The following MFSD2A variants were observed in gnomAD, a reference collection of about 807,000 sequenced individuals.
MFSD2A encodes the protein sodium-dependent lysophosphatidylcholine symporter 1.
A neutral mutation model predicts 64.7 loss-of-function variants in MFSD2A; 27 were observed. The observed-to-expected ratio is 0.42, with a 90% CI of 0.31 to 0.58. The LOEUF is 0.58. Ranked by LOEUF, MFSD2A falls within the 20% of genes least tolerant of loss-of-function variation. MFSD2A has a pLI of 0.18. For synonymous variants in MFSD2A, 258 were observed against 273.4 expected, an observed-to-expected ratio of 0.94 and a Z score of 0.55; for missense variants, 474 against 679.5, an observed-to-expected ratio of 0.70 and a Z score of 3.36.
rs145187460 is a variant in MFSD2A at position 39,955,152 on chromosome 1, G to A, written c.-141G>A. On this transcript the variant is annotated 5_prime_UTR_variant, in exon 1 of 14. Coordinates refer to ENST00000372811, the MANE Select transcript of MFSD2A (RefSeq NM_032793.5). This position sits in a 1 kb window ranked among gnomAD's most constrained non-coding sequence, Gnocchi z 5.9. ...GCGGAGGGGGCGTGCAGCAGAGTGC[G>A]TTCCTCGTCTGCCAGCCGGCTTGGC... 3.3e-3 allele frequency: 1,890 copies of A among 567,508 alleles called. 9 individuals carry two copies. Among genetic ancestry groups the A allele is most frequent in the Admixed American group, 5.1e-3 (120 of 23,536 alleles). The allele number at this position is 567,508 out of a possible 1,614,324, so 35.2% of individuals were successfully genotyped here.
At position 39,968,488 on chromosome 1, in the gene MFSD2A, T is replaced by C; in HGVS notation, c.1352+11T>C. 6.2e-7 allele frequency: 1 copy of C among 1,613,814 alleles called. No homozygotes were observed. The highest frequency in any genetic ancestry group is 8.5e-7 in the Non-Finnish European group (1 of 1,179,912). On this transcript the variant is annotated intron_variant, in intron 12 of 13. Coordinates refer to ENST00000372811, the MANE Select transcript of MFSD2A (RefSeq NM_032793.5). The surrounding 1 kb of genome is among the most constrained non-coding windows in gnomAD (Gnocchi z 4.4). ...TACCCTCAGTCTGGAGTGAGTGGGG[T>C]GGGGACCTGGGGCAGGACTGGGCAG...
chr1:39,965,740 C>A lies in MFSD2A; in HGVS notation c.557-117C>A. ...GCGTTCAAACCAAGGTGTCACCTAC[C>A]CCACTACCTCTACCCACCCTGCCTG... On this transcript the variant is annotated intron_variant, in intron 5 of 13. Coordinates refer to ENST00000372811, the MANE Select transcript of MFSD2A (RefSeq NM_032793.5). This position sits in a 1 kb window ranked among gnomAD's most constrained non-coding sequence, Gnocchi z 5.5. The A allele has an allele frequency of 7.3e-7, 1 of 1,371,078 alleles. No individual in the cohort carries two copies. The highest frequency in any genetic ancestry group is 1.0e-6 in the Non-Finnish European group (1 of 986,692). 84.9% of individuals were successfully genotyped at this position (1,371,078 alleles called of 1,614,324 possible).
rs556323307 is a variant in MFSD2A, at chr1:39,969,573, C to T, written c.*5C>T. ...GAGCTGGCTAGCATCCTCTAGGGCCCGCCACGTTGCCCGAAGCCACCATGC... is the reference window on the plus strand; with the variant it reads ...GAGCTGGCTAGCATCCTCTAGGGCCTGCCACGTTGCCCGAAGCCACCATGC... On this transcript the variant is annotated 3_prime_UTR_variant, in exon 14 of 14. Coordinates refer to ENST00000372811, the MANE Select transcript of MFSD2A (RefSeq NM_032793.5). 50 of 1,608,742 alleles carry T rather than the reference C, an allele frequency of 3.1e-5. No homozygotes were observed. The East Asian group carries it at 3.6e-4, about 12-fold the overall frequency.
chr1:39,965,201 T>C lies in MFSD2A; in HGVS notation c.354-10T>C, dbSNP rs200618277. On this transcript the variant is annotated splice_polypyrimidine_tract_variant and intron_variant, in intron 3 of 13. Transcript: ENST00000372811. The surrounding 1 kb of genome is among the most constrained non-coding windows in gnomAD (Gnocchi z 5.5). The stretch of plus-strand genomic sequence containing the variant: ...CCTCCAGCCTCCACTCACACCCTCC[T>C]CTTCCTCAGGATCATCTTCTCCACG... 31 of 1,613,974 alleles carry C rather than the reference T, an allele frequency of 1.9e-5. No individual in the cohort carries two copies. In the African/African-American group the frequency reaches 3.1e-4, roughly 16 times the overall value.
chr1:39,967,167 A>T lies in MFSD2A; in HGVS notation c.1009A>T (p.Met337Leu). ...NEFQNLLLAIMLSATLTIPIW... is the reference protein window; with the variant it reads ...NEFQNLLLAILLSATLTIPIW... ...ATTCCAGAATCTACTCCTGGCCATCATGGTGAGTGGGACCTGAGCAGGGGC... is the reference window on the plus strand; with the variant it reads ...ATTCCAGAATCTACTCCTGGCCATCTTGGTGAGTGGGACCTGAGCAGGGGC... Residue 337 changes from methionine (M) to leucine (L), a missense_variant and splice_region_variant, in exon 9 of 14, where the codon ATG (methionine) becomes TTG (leucine). By Grantham distance (15) the Met-to-Leu change is conservative. Coordinates refer to ENST00000372811, the MANE Select transcript of MFSD2A (RefSeq NM_032793.5). The T allele has an allele frequency of 6.2e-7, 1 of 1,614,004 alleles. No homozygotes were observed. The highest frequency in any genetic ancestry group is 8.5e-7 in the Non-Finnish European group (1 of 1,179,924).
chr1:39,962,223 G>A (rs1477921279), intron 3 of MFSD2A, among the ~76,000 whole-genome samples: 2 of 151,998 alleles, frequency 1.3e-5, no homozygotes, highest in Non-Finnish European at 2.9e-5. Context: ...GGCCTGATAC[G>A]CACCTATCTG....
At chr1:39,966,771 G>A (rs1645170677) in intron 7 of MFSD2A, 40 bp from the exon 8 acceptor site, 3 of 1,613,702 alleles carry the variant, frequency 1.9e-6, no homozygotes, top group African/African-American at 2.7e-5. Flanking sequence ...GCTTTGGGAG[G>A]GGTCTCTGCT....
In MFSD2A at chr1:39,965,196, C is replaced by T. The variant is rs762960180; in HGVS notation, c.354-15C>T. On this transcript the variant is annotated splice_polypyrimidine_tract_variant and intron_variant, in intron 3 of 13. Transcript: ENST00000372811. This position sits in a 1 kb window ranked among gnomAD's most constrained non-coding sequence, Gnocchi z 5.5. ...TCCAGCCTCCAGCCTCCACTCACAC[C>T]CTCCTCTTCCTCAGGATCATCTTCT... is the stretch of plus-strand genomic sequence containing the variant. 3 of 1,613,906 alleles carry T rather than the reference C, an allele frequency of 1.9e-6. No homozygotes were observed. The highest frequency in any genetic ancestry group is 1.1e-5 in the South Asian group (1 of 91,064).
At position 39,960,574 on chromosome 1, in the gene MFSD2A, G is replaced by A. The variant is rs569331105; in HGVS notation, c.353+1749G>A. On this transcript the variant is annotated intron_variant, in intron 3 of 13. Transcript: ENST00000372811. The surrounding 1 kb of genome is among the most constrained non-coding windows in gnomAD (Gnocchi z 4.8). ...GAAGGGGAGGCTCTGCTGCCACGTC[G>A]CCTCATGAGGCCCAGCCAATGGGAG... Among the ~76,000 whole-genome samples the A allele has an allele frequency of 1.8e-3, 270 of 152,352 alleles. No individual in the cohort carries two copies. Among genetic ancestry groups the A allele is most frequent in the African/African-American group, 6.1e-3 (252 of 41,590 alleles).
chr1:39,962,777 C>A, intron 3 of MFSD2A: 1 of 1,022,392 alleles, frequency 9.8e-7, no homozygotes, highest in Non-Finnish European at 1.5e-6. Flanking sequence ...AGATCAAGTC[C>A]CTGCAGGAGA....
rs1366731916 is a variant in MFSD2A at position 39,957,116 on chromosome 1, G to A, written c.123G>A (p.Leu41=). Residue 41 remains leucine (L), a synonymous_variant, in exon 2 of 14, where the codon TTG becomes TTA. Coordinates refer to ENST00000372811, the MANE Select transcript of MFSD2A (RefSeq NM_032793.5). ...AACCGAAAAAGAAGAAACAACAGTT[G>A]TCTGTTTGCAACAAGCTTTGCTATG... The part of the protein sequence containing the change: ...KKEPKKKKQQ[L]SVCNKLCYAL... 1 of 1,613,972 alleles carries A rather than the reference G, an allele frequency of 6.2e-7. No homozygotes were observed. Among genetic ancestry groups the A allele is most frequent in the African/African-American group, 1.3e-5 (1 of 74,902 alleles).
rs953553802 is a variant in MFSD2A at position 39,964,753 on chromosome 1, GT to G, written c.354-457del. ...TGATGTGTGTGTGAATGAGGTGTGT[GT>G]GAATGGGGTGTGTGTGTGTGTGAAT... On this transcript the variant is annotated intron_variant, in intron 3 of 13. Transcript: ENST00000372811. The surrounding 1 kb of genome is among the most constrained non-coding windows in gnomAD (Gnocchi z 4.1). 5.7e-6 allele frequency: 1 copy of G among 174,950 alleles called. No homozygotes were observed. Among genetic ancestry groups the G allele is most frequent in the African/African-American group, 2.4e-5 (1 of 41,476 alleles). The allele number at this position is 174,950 out of a possible 1,614,324, so 10.8% of individuals were successfully genotyped here. A position where few individuals can be genotyped will look rare whatever the true frequency, so the allele number is the denominator to read the frequency against.
In MFSD2A at chr1:39,964,812, A is replaced by G; in HGVS notation, c.354-399A>G. On this transcript the variant is annotated intron_variant, in intron 3 of 13. Coordinates refer to ENST00000372811, the MANE Select transcript of MFSD2A (RefSeq NM_032793.5). The surrounding 1 kb of genome is among the most constrained non-coding windows in gnomAD (Gnocchi z 4.1). ...GTGTGTGAATGGGGTGTGTGTGTGAATGGGGTGTGTGTGTGCGGTTGATGA... is the reference window on the plus strand; with the variant it reads ...GTGTGTGAATGGGGTGTGTGTGTGAGTGGGGTGTGTGTGTGCGGTTGATGA... 3 of 217,234 alleles carry G rather than the reference A, an allele frequency of 1.4e-5. No individual in the cohort carries two copies. The highest frequency in any genetic ancestry group is 1.2e-4 in the East Asian group (1 of 8,498). 13.5% of individuals were successfully genotyped at this position (217,234 alleles called of 1,614,324 possible).
At chr1:39,962,692 G>T in intron 3 of MFSD2A, 1 of 777,120 alleles carries the variant, frequency 1.3e-6, no homozygotes. Flanking sequence ...CGAAGCTGCG[G>T]AGCTTGCTGA....
Position 39,958,222 on chromosome 1 carries a change from C to T in MFSD2A, c.229-479C>T, listed in dbSNP as rs1333467516. Among the ~76,000 whole-genome samples the T allele has an allele frequency of 1.3e-5, 2 of 151,946 alleles. No individual in the cohort carries two copies. Among genetic ancestry groups the T allele is most frequent in the African/African-American group, 4.8e-5 (2 of 41,346 alleles). On this transcript the variant is annotated intron_variant, in intron 2 of 13. Coordinates refer to ENST00000372811, the MANE Select transcript of MFSD2A (RefSeq NM_032793.5). The surrounding 1 kb of genome is among the most constrained non-coding windows in gnomAD (Gnocchi z 4.7). Reference sequence around the variant, plus strand: ...ATAACTTGAGTGGGTAGTGACAAGTCCCTTTTTAAAAAGCATCTATAGGCT... The same window carrying T: ...ATAACTTGAGTGGGTAGTGACAAGTTCCTTTTTAAAAAGCATCTATAGGCT...
At position 39,955,289 on chromosome 1, in the gene MFSD2A, G is replaced by A; in HGVS notation, c.-4G>A. 1 of 1,421,274 alleles carries A rather than the reference G, an allele frequency of 7.0e-7. No individual in the cohort carries two copies. The highest frequency in any genetic ancestry group is 1.7e-5 in the South Asian group (1 of 60,436). The allele number at this position is 1,421,274 out of a possible 1,614,324, so 88.0% of individuals were successfully genotyped here. On this transcript the variant is annotated 5_prime_UTR_variant, in exon 1 of 14. Transcript: ENST00000372811. This position sits in a 1 kb window ranked among gnomAD's most constrained non-coding sequence, Gnocchi z 5.9. ...CAGGTCCCAAGCGGCGTGGCCCGCG[G>A]GTCATGGCCAAAGGAGAAGGCGCCG...
Position 39,966,092 on chromosome 1 carries a change from C to T in MFSD2A, c.714+78C>T. 3.3e-6 allele frequency: 5 copies of T among 1,494,124 alleles called. No homozygotes were observed. In the South Asian group the frequency reaches 4.8e-5, roughly 14 times the overall value. 92.6% of individuals were successfully genotyped at this position (1,494,124 alleles called of 1,614,324 possible). A position where few individuals can be genotyped will look rare whatever the true frequency, so the allele number is the denominator to read the frequency against. On this transcript the variant is annotated intron_variant, in intron 6 of 13. Coordinates refer to ENST00000372811, the MANE Select transcript of MFSD2A (RefSeq NM_032793.5). ...TTTGTAGTCATCCTAAAGATAGTAA[C>T]AGCTAGTGTTTATTAAATAAATGTT...
intron 3 of MFSD2A, chr1:39,962,611 C>G (rs1450275437): frequency 1.4e-5 from 11 of 798,410 alleles, no homozygotes; most frequent in Middle Eastern, 3.4e-4. Context: ...ATGGGGAACT[C>G]TGGTGCCTTC....
Position 39,955,573 on chromosome 1 carries a change from C to A in MFSD2A, c.93+188C>A. 1.4e-6 allele frequency: 1 copy of A among 718,566 alleles called. No homozygotes were observed. The highest frequency in any genetic ancestry group is 1.5e-5 in the South Asian group (1 of 66,240). The allele number at this position is 718,566 out of a possible 1,614,324, so 44.5% of individuals were successfully genotyped here. A position where few individuals can be genotyped will look rare whatever the true frequency, so the allele number is the denominator to read the frequency against. ...GACGGAGAAAAGCTGTGGGCGCCCT[C>A]GCCCCCCTTTGCTCACCCGCACTCC... On this transcript the variant is annotated intron_variant, in intron 1 of 13. Coordinates refer to ENST00000372811, the MANE Select transcript of MFSD2A (RefSeq NM_032793.5). The surrounding 1 kb of genome is among the most constrained non-coding windows in gnomAD (Gnocchi z 5.9).
Sources: gnomAD v4.1 joint callset for allele counts (sites outside exome capture counted in the v4.1 genomes callset) on GRCh38, gnomAD v4.1.1 for gene constraint, Gnocchi (gnomAD v3.1) non-coding constraint, MANE v1.5 for transcripts, NCBI Gene and HGNC (gene_info 2026-07-23, HGNC 2026-07-21) for gene names.